SUGCT: variants seen among roughly 807,000 people sequenced by gnomAD.
SUGCT encodes the protein succinyl-CoA:glutarate CoA-transferase.
A neutral mutation model predicts 55.0 loss-of-function variants in SUGCT; 41 were observed. The ratio of observed to expected loss-of-function variants is 0.74; its 90% CI spans 0.58 to 0.97. SUGCT has a LOEUF of 0.97. Ranked by LOEUF, SUGCT falls within the 50% of genes least tolerant of loss-of-function variation. The pLI is 0.00. For synonymous variants in SUGCT, 187 were observed against 200.4 expected (o/e 0.93, Z 0.56); for missense variants, 568 against 547.8 (o/e 1.04, Z -0.37).
chr7:40,329,241 A>C (rs1796178022), intron 9 of SUGCT, among the ~76,000 whole-genome samples: 1 of 152,160 alleles, frequency 6.6e-6, no homozygotes, highest in African/African-American at 2.4e-5. Context: ...ATATTAGGCA[A>C]ATAATATAAC....
the SUGCT span, among the ~76,000 whole-genome samples, chr7:40,886,311 G>C: frequency 4.4e-4 from 67 of 152,162 alleles, no homozygotes; most frequent in African/African-American, 1.3e-3. Context: ...CATGGTGCCT[G>C]ATGTACCATG....
chr7:40,948,203 A>G, the SUGCT span, among the ~76,000 whole-genome samples: 1 of 152,142 alleles, frequency 6.6e-6, no homozygotes, highest in Non-Finnish European at 1.5e-5. Flanking sequence ...TTAGTTCTTT[A>G]TTTGTTATAG....
In SUGCT at chr7:40,384,682, T is replaced by A. The variant is rs138232893; in HGVS notation, c.817-64605T>A. Reference sequence around the variant, plus strand: ...CCTTAGCCTCCCAAGCAGCTGGGATTACAGGTGCCTGCTACCACGCCTGGC... The same window carrying A: ...CCTTAGCCTCCCAAGCAGCTGGGATAACAGGTGCCTGCTACCACGCCTGGC... On this transcript the variant is annotated intron_variant, in intron 9 of 13. Coordinates refer to ENST00000335693, the MANE Select transcript of SUGCT (RefSeq NM_001193313.2). 9.1e-3 allele frequency among the ~76,000 whole-genome samples: 1,381 copies of A among 152,228 alleles called. 5 individuals are homozygous for A. Among genetic ancestry groups the A allele is most frequent in the Admixed American group, 0.018 (268 of 15,282 alleles).
chr7:40,950,369 G>A, the SUGCT span, among the ~76,000 whole-genome samples: 1 of 152,076 alleles, frequency 6.6e-6, no homozygotes, highest in South Asian at 2.1e-4. Context: ...GAGACGATGG[G>A]GTTTTCTAGA....
At position 40,656,444 on chromosome 7, in the gene SUGCT, C is replaced by T. The variant is rs116409671; in HGVS notation, c.1090-92990C>T. Among the ~76,000 whole-genome samples the T allele has an allele frequency of 6.8e-3, 1,027 of 152,134 alleles. 10 individuals are homozygous for T. Among genetic ancestry groups the T allele is most frequent in the East Asian group, 0.032 (166 of 5,160 alleles). ...AATAGATCCACTAGCTAGAGGTAGC[C>T]GGTTTGCATTTGAGATTAGGTTATT... On this transcript the variant is annotated intron_variant, in intron 12 of 13. Coordinates refer to ENST00000335693, the MANE Select transcript of SUGCT (RefSeq NM_001193313.2).
At chr7:40,296,922 G>T (rs1293606802) in intron 8 of SUGCT, among the ~76,000 whole-genome samples, 5 of 152,074 alleles carry the variant, frequency 3.3e-5, no homozygotes, top group Non-Finnish European at 5.9e-5. Flanking sequence ...CTGCTAAGTA[G>T]CTATGACCCT....
At chr7:40,193,601 GA>G (rs1786070190) in intron 5 of SUGCT, among the ~76,000 whole-genome samples, 1 of 148,266 alleles carries the variant, frequency 6.7e-6, no homozygotes, top group South Asian at 2.1e-4. Context: ...ATTTAAAAAA[GA>G]TTTTTTTTTT....
At chr7:40,825,104 C>G (rs920419275) in intron 13 of SUGCT, among the ~76,000 whole-genome samples, 3 of 152,120 alleles carry the variant, frequency 2.0e-5, no homozygotes, top group African/African-American at 4.8e-5. Flanking sequence ...AAAGGTTGTG[C>G]AGGAGGTGGG....
intron 9 of SUGCT, among the ~76,000 whole-genome samples, chr7:40,356,102 G>A (rs887886382): frequency 4.6e-5 from 7 of 152,218 alleles, no homozygotes; most frequent in African/African-American, 1.7e-4. Flanking sequence ...GTTGTAGCTT[G>A]AGTTCAGAAA....
chr7:40,251,617 A>C (rs1365169416), intron 7 of SUGCT, among the ~76,000 whole-genome samples: 1 of 152,178 alleles, frequency 6.6e-6, no homozygotes, highest in African/African-American at 2.4e-5. Flanking sequence ...GTACGTGGCA[A>C]ATCCTGGCAG....
intron 12 of SUGCT, among the ~76,000 whole-genome samples, chr7:40,650,147 A>G (rs1800706598): frequency 6.6e-6 from 1 of 152,222 alleles, no homozygotes; most frequent in South Asian, 2.1e-4. Context: ...GGCCTCTCTC[A>G]GTTCCTTGCC....
intron 9 of SUGCT, among the ~76,000 whole-genome samples, chr7:40,322,638 T>G (rs1795815627): frequency 6.6e-6 from 1 of 152,154 alleles, no homozygotes; most frequent in African/African-American, 2.4e-5. Context: ...AGGCCGGTCT[T>G]GAGAATAAGA....
chr7:40,901,879 G>A, the SUGCT span, among the ~76,000 whole-genome samples: 1 of 152,182 alleles, frequency 6.6e-6, no homozygotes, highest in Non-Finnish European at 1.5e-5. Flanking sequence ...TGACATAAGA[G>A]GGATTCACTG....
chr7:40,897,768 A>C, the SUGCT span, among the ~76,000 whole-genome samples: 2 of 152,164 alleles, frequency 1.3e-5, no homozygotes, highest in Non-Finnish European at 2.9e-5. Flanking sequence ...TGTCTAGCTA[A>C]AGGATTGTAA....
chr7:40,962,781 G>C, the SUGCT span, among the ~76,000 whole-genome samples: 105 of 152,224 alleles, frequency 6.9e-4, no homozygotes, highest in Non-Finnish European at 1.3e-3. Context: ...GTTGACTTTT[G>C]ATAAGGAACA....
intron 7 of SUGCT, among the ~76,000 whole-genome samples, chr7:40,246,359 T>A (rs1318190169): frequency 6.6e-6 from 1 of 151,890 alleles, no homozygotes; most frequent in African/African-American, 2.4e-5. Context: ...AGGTGATTCT[T>A]GTGCCTCAGC....
chr7:40,742,973 T>C (rs10499617), intron 12 of SUGCT, among the ~76,000 whole-genome samples: 15,798 of 152,264 alleles, frequency 0.1, 1,083 homozygotes, highest in South Asian at 0.26. Context: ...AATGGTTTTC[T>C]GAGTATTCTT....
chr7:40,673,461 C>T (rs574891788), intron 12 of SUGCT, among the ~76,000 whole-genome samples: 48 of 152,338 alleles, frequency 3.2e-4, no homozygotes, highest in African/African-American at 1.2e-3. Flanking sequence ...GATGCTATTT[C>T]ATCTCTTTGC....
chr7:40,248,784 A>T (rs1048559287), intron 7 of SUGCT, among the ~76,000 whole-genome samples: 3 of 151,918 alleles, frequency 2.0e-5, no homozygotes, highest in Non-Finnish European at 2.9e-5. Context: ...ACCATTTTAT[A>T]CTCCTGTCAG....
Sources: allele counts gnomAD v4.1 joint callset (sites outside exome capture counted in the v4.1 genomes callset), GRCh38; gene constraint gnomAD v4.1.1; transcripts MANE v1.5; gene names NCBI Gene and HGNC (gene_info 2026-07-23, HGNC 2026-07-21).